The following CCSER1 variants were observed in gnomAD, a reference collection of about 807,000 sequenced individuals.
CCSER1 encodes the protein serine-rich coiled-coil domain-containing protein 1.
CCSER1 carries 41 observed loss-of-function variants against 82.0 expected under a neutral mutation model. The observed-to-expected ratio is 0.50, with a 90% CI of 0.39 to 0.65. The LOEUF (loss-of-function observed/expected upper bound fraction) is 0.65. CCSER1 is among the 30% of genes least tolerant of loss of function. CCSER1 has a pLI of 0.00. For missense variants in CCSER1, 1,119 were observed against 1,064.2 expected, an observed-to-expected ratio of 1.05 and a Z score of -0.72; for synonymous variants, 414 against 383.9, an observed-to-expected ratio of 1.08 and a Z score of -0.92.
chr4:91,025,356 A>C (rs753401216), intron 9 of CCSER1, among the ~76,000 whole-genome samples: 2 of 152,146 alleles, frequency 1.3e-5, no homozygotes, highest in Non-Finnish European at 2.9e-5. Flanking sequence ...GGACTATCTT[A>C]TATATTCTTA....
chr4:90,834,575 C>G (rs1290880009), intron 8 of CCSER1, among the ~76,000 whole-genome samples: 5 of 152,116 alleles, frequency 3.3e-5, no homozygotes, highest in Non-Finnish European at 7.3e-5. Context: ...TGTATAATTG[C>G]ATCATACAGC....
chr4:91,393,584 T>C (rs1218639662), intron 10 of CCSER1, among the ~76,000 whole-genome samples: 2 of 152,130 alleles, frequency 1.3e-5, no homozygotes, highest in Non-Finnish European at 2.9e-5. Context: ...TCTTAAGATA[T>C]ATTAAAGTTA....
intron 8 of CCSER1, among the ~76,000 whole-genome samples, chr4:90,903,987 AT>A (rs33982537): frequency 0.016 from 2,446 of 151,862 alleles, 66 homozygotes; most frequent in African/African-American, 0.057. Flanking sequence ...AAAATTAATA[AT>A]TTTTTTTGAC....
intron 7 of CCSER1, among the ~76,000 whole-genome samples, chr4:90,754,926 G>T (rs1580320267): frequency 1.3e-5 from 2 of 152,248 alleles, no homozygotes; most frequent in African/African-American, 2.4e-5. Context: ...TTAACATTCT[G>T]CTCCCCTTTC....
intron 1 of CCSER1, among the ~76,000 whole-genome samples, chr4:90,184,023 A>G (rs988263164): frequency 6.6e-6 from 1 of 152,142 alleles, no homozygotes; most frequent in South Asian, 2.1e-4. Flanking sequence ...CAAAATGGAA[A>G]TATCTCCCCA....
Position 91,325,111 on chromosome 4 carries a change from T to C in CCSER1, c.2217+239117T>C, listed in dbSNP as rs1277803463. On this transcript the variant is annotated intron_variant, in intron 10 of 10. Transcript: ENST00000509176. ...GGGGCTACCCTTTACCAAGAGGGAG[T>C]ACCTTATTTCTAATTCCACAGGTGT... 1.8e-5 allele frequency: 8 copies of C among 453,392 alleles called. No individual in the cohort carries two copies. In the Admixed American group the frequency reaches 1.9e-4, roughly 11 times the overall value. 28.1% of individuals were successfully genotyped at this position (453,392 alleles called of 1,614,324 possible). A position where few individuals can be genotyped will look rare whatever the true frequency, so the allele number is the denominator to read the frequency against.
At chr4:91,211,314 C>T (rs141341523) in intron 10 of CCSER1, among the ~76,000 whole-genome samples, 1 of 152,154 alleles carries the variant, frequency 6.6e-6, no homozygotes, top group Non-Finnish European at 1.5e-5. Context: ...ACCCACAATA[C>T]TTGCTGGATG....
At chr4:90,129,601 T>C (rs971456910) in intron 1 of CCSER1, among the ~76,000 whole-genome samples, 1 of 152,236 alleles carries the variant, frequency 6.6e-6, no homozygotes, top group Non-Finnish European at 1.5e-5. Flanking sequence ...TTTCAATAGT[T>C]TCACAGAGAA....
intron 10 of CCSER1, among the ~76,000 whole-genome samples, chr4:91,474,787 G>A (rs1271940350): frequency 7.4e-6 from 1 of 135,182 alleles, no homozygotes; most frequent in African/African-American, 2.7e-5. Context: ...ATATATTTGT[G>A]TATATATATA....
chr4:91,329,792 G>T (rs944859553), intron 10 of CCSER1, among the ~76,000 whole-genome samples: 1 of 152,028 alleles, frequency 6.6e-6, no homozygotes. Context: ...AAAATTGTTA[G>T]TGATTCTTTT....
At chr4:90,769,786 A>G (rs1383657643) in intron 7 of CCSER1, among the ~76,000 whole-genome samples, 2 of 152,192 alleles carry the variant, frequency 1.3e-5, no homozygotes, top group Non-Finnish European at 2.9e-5. Context: ...CTACAGTAGT[A>G]TCAAACTTTT....
At chr4:90,179,865 T>G (rs971874954) in intron 1 of CCSER1, among the ~76,000 whole-genome samples, 1 of 152,282 alleles carries the variant, frequency 6.6e-6, no homozygotes, top group African/African-American at 2.4e-5. Context: ...CCTTTCATGG[T>G]TTTGTTTCTA....
At chr4:90,874,312 T>A (rs543489719) in intron 8 of CCSER1, among the ~76,000 whole-genome samples, 126 of 152,318 alleles carry the variant, frequency 8.3e-4, no homozygotes, top group Non-Finnish European at 1.2e-3. Context: ...TGAAGTTTTT[T>A]AAATAAGCAC....
chr4:90,571,967 C>T (rs1390449994), intron 5 of CCSER1, among the ~76,000 whole-genome samples: 1 of 151,958 alleles, frequency 6.6e-6, no homozygotes, highest in African/African-American at 2.4e-5. Flanking sequence ...TTACTTGTAC[C>T]AGTATTTTAT....
At chr4:90,673,125 G>T (rs1045262343) in intron 6 of CCSER1, among the ~76,000 whole-genome samples, 9 of 151,864 alleles carry the variant, frequency 5.9e-5, no homozygotes, top group Non-Finnish European at 1.0e-4. Context: ...TGGAAACAGG[G>T]TTGCCACAAA....
intron 10 of CCSER1, among the ~76,000 whole-genome samples, chr4:91,172,359 A>T (rs140370295): frequency 2.0e-5 from 3 of 152,194 alleles, no homozygotes; most frequent in African/African-American, 7.2e-5. Flanking sequence ...GGAATTTTTC[A>T]TGTGGATGCA....
intron 9 of CCSER1, among the ~76,000 whole-genome samples, chr4:90,985,916 A>G (rs1204573712): frequency 6.6e-6 from 1 of 151,790 alleles, no homozygotes; most frequent in Non-Finnish European, 1.5e-5. Flanking sequence ...CATTCAGTGT[A>G]GGATTTGTTT....
At chr4:90,641,297 G>A (rs141943601) in intron 6 of CCSER1, among the ~76,000 whole-genome samples, 745 of 152,126 alleles carry the variant, frequency 4.9e-3, no homozygotes, top group African/African-American at 0.017. Flanking sequence ...TATGTATATA[G>A]TAAGACCATA....
At chr4:91,029,038 G>A (rs1192235189) in intron 9 of CCSER1, among the ~76,000 whole-genome samples, 4 of 151,950 alleles carry the variant, frequency 2.6e-5, no homozygotes, top group Admixed American at 2.6e-4. Flanking sequence ...ATGAACTAAA[G>A]CTAGAATAAA....
Sources: allele counts gnomAD v4.1 joint callset (sites outside exome capture counted in the v4.1 genomes callset), GRCh38; gene constraint gnomAD v4.1.1; transcripts MANE v1.5; gene names NCBI Gene and HGNC (gene_info 2026-07-23, HGNC 2026-07-21).